EPB41L5: variants seen among roughly 807,000 people sequenced by gnomAD.
EPB41L5 encodes the protein erythrocyte membrane protein band 4.1 like 5.
Under a neutral mutation model 106.6 loss-of-function variants are expected in EPB41L5, and 55 were observed. That is an observed-to-expected ratio of 0.52 (90% CI 0.42 to 0.65). The LOEUF (loss-of-function observed/expected upper bound fraction) is 0.65. Among genes scored for constraint, EPB41L5 ranks in the 30% least tolerant of loss-of-function variants. The pLI is 0.00. For synonymous variants in EPB41L5, 297 were observed against 306.7 expected, an observed-to-expected ratio of 0.97 and a Z score of 0.33; for missense variants, 871 against 882.1, an observed-to-expected ratio of 0.99 and a Z score of 0.16.
rs534731771 is a variant in EPB41L5, at chr2:120,065,128, T to TA, written c.286-8049dup. 1.5e-3 allele frequency among the ~76,000 whole-genome samples: 234 copies of TA among 152,224 alleles called. 1 individual carries two copies. Among genetic ancestry groups the TA allele is most frequent in the Non-Finnish European group, 1.4e-3 (94 of 68,014 alleles). ...GTGATTTTATGTTTATTTATGTACT[T>TA]ACATTTTAGAGATGGGGTCTTGTTC... On this transcript the variant is annotated intron_variant, in intron 3 of 24. Transcript: ENST00000263713.
At chr2:120,019,300 C>A in intron 2 of EPB41L5, 36 bp downstream of exon 2, 2 of 1,565,022 alleles carry the variant, frequency 1.3e-6, no homozygotes, top group Non-Finnish European at 8.7e-7. Flanking sequence ...ATTCTGTTTG[C>A]GATTACTGTC....
rs534331557 is a variant in EPB41L5 at position 120,017,577 on chromosome 2, G to C, written c.-8-1500G>C. On this transcript the variant is annotated intron_variant, in intron 1 of 24. Transcript: ENST00000263713. ...TTTAGTGTGCTATGTTTTAAAACCT[G>C]TTTTAACTGTTTTGATTAACATTAA... Among the ~76,000 whole-genome samples, 113 of 152,180 alleles carry C rather than the reference G, an allele frequency of 7.4e-4. 1 individual carries two copies. Among genetic ancestry groups the C allele is most frequent in the African/African-American group, 2.5e-3 (104 of 41,514 alleles).
Position 120,146,270 on chromosome 2 carries a change from C to T in EPB41L5, c.1774C>T (p.Gln592Ter). 6.2e-7 allele frequency: 1 copy of T among 1,609,474 alleles called. No individual in the cohort carries two copies. The highest frequency in any genetic ancestry group is 8.5e-7 in the Non-Finnish European group (1 of 1,176,150). ...SLLSHKNANV[Q>*]DAATNSAVLN... is the part of the protein sequence containing the mutation. ...ATTAAGTCATAAAAATGCCAATGTT[C>T]AGGATGCTGCCACAAACAGGTACAG... The change falls in exon 20 of 25, where the codon CAG becomes TAG. Residue 592 changes from glutamine to a stop codon, truncating the protein, a stop_gained. Coordinates refer to ENST00000263713, the MANE Select transcript of EPB41L5 (RefSeq NM_020909.4). LOFTEE classifies it high-confidence loss of function.
chr2:120,173,514 C>T (rs1300175810), intron 24 of EPB41L5, among the ~76,000 whole-genome samples: 1 of 152,092 alleles, frequency 6.6e-6, no homozygotes, highest in Non-Finnish European at 1.5e-5. Flanking sequence ...GAACCAGGGA[C>T]ACAGAAAAGT....
chr2:120,106,275 A>G, intron 16 of EPB41L5: 1 of 985,396 alleles, frequency 1.0e-6, no homozygotes, highest in Non-Finnish European at 1.2e-6. Flanking sequence ...GTAAAGGGCT[A>G]AGGCTGGATG....
chr2:120,026,450 T>A (rs552066165), intron 2 of EPB41L5, among the ~76,000 whole-genome samples: 10 of 152,272 alleles, frequency 6.6e-5, no homozygotes, highest in Non-Finnish European at 1.3e-4. Context: ...CTTACTGCGA[T>A]CTCTGCCTCC....
intron 16 of EPB41L5, chr2:120,107,065 G>T (rs1268866427): frequency 8.2e-6 from 3 of 364,558 alleles, no homozygotes. Flanking sequence ...CACTTGGTTG[G>T]ATCTTTTTTT....
At chr2:120,074,268 A>T in intron 5 of EPB41L5, 90 bp downstream of exon 5, 1 of 951,306 alleles carries the variant, frequency 1.1e-6, no homozygotes. Flanking sequence ...GCCAGCTAAT[A>T]AAATGGATTC....
chr2:120,049,524 T>G (rs1362159099), intron 3 of EPB41L5, among the ~76,000 whole-genome samples: 2 of 152,120 alleles, frequency 1.3e-5, no homozygotes, highest in Non-Finnish European at 2.9e-5. Context: ...TGGTAGATCT[T>G]CCTCCATCCC....
intron 3 of EPB41L5, among the ~76,000 whole-genome samples, chr2:120,061,501 G>A (rs1380262882): frequency 6.6e-6 from 1 of 151,936 alleles, no homozygotes; most frequent in Non-Finnish European, 1.5e-5. Context: ...GGGATTACAG[G>A]CGTGAGCCAC....
chr2:120,081,948 C>T (rs535606299), intron 10 of EPB41L5, among the ~76,000 whole-genome samples: 244 of 152,196 alleles, frequency 1.6e-3, no homozygotes, highest in Non-Finnish European at 2.9e-3. Context: ...GTGATTTTTG[C>T]ACATTGATTT....
chr2:120,088,437 G>A (rs1467443081), intron 11 of EPB41L5, among the ~76,000 whole-genome samples: 1 of 152,148 alleles, frequency 6.6e-6, no homozygotes, highest in Non-Finnish European at 1.5e-5. Flanking sequence ...CTACTTGAGT[G>A]GGGAGGGTGG....
intron 2 of EPB41L5, among the ~76,000 whole-genome samples, chr2:120,022,571 C>T (rs570968937): frequency 3.9e-5 from 6 of 152,256 alleles, no homozygotes; most frequent in African/African-American, 1.4e-4. Flanking sequence ...TTTTCTTTAT[C>T]CAGTCTATCA....
chr2:120,164,976 T>G, intron 22 of EPB41L5, 66 bp downstream of exon 22: 1 of 1,181,212 alleles, frequency 8.5e-7, no homozygotes. Context: ...CCTGCTAGAT[T>G]CCAGTTTTTT....
chr2:120,084,102 T>G (rs977873820), intron 10 of EPB41L5, among the ~76,000 whole-genome samples: 4 of 152,186 alleles, frequency 2.6e-5, no homozygotes, highest in African/African-American at 9.7e-5. Context: ...CCATTTACAT[T>G]TAAGGTTAAT....
chr2:120,122,201 T>C (rs914862639), intron 16 of EPB41L5, among the ~76,000 whole-genome samples: 5 of 152,234 alleles, frequency 3.3e-5, no homozygotes, highest in Admixed American at 6.5e-5. Context: ...TTGTCAGTTT[T>C]GGCTTTTGTT....
At chr2:120,140,399 T>A (rs995098298) in intron 18 of EPB41L5, among the ~76,000 whole-genome samples, 1 of 152,004 alleles carries the variant, frequency 6.6e-6, no homozygotes, top group African/African-American at 2.4e-5. Flanking sequence ...TATCTACATA[T>A]CTCGTGTACC....
chr2:120,028,858 G>C (rs1338970311), intron 2 of EPB41L5, among the ~76,000 whole-genome samples: 2 of 152,180 alleles, frequency 1.3e-5, no homozygotes, highest in Non-Finnish European at 2.9e-5. Flanking sequence ...CATGAAGAGA[G>C]AAAAAGGATG....
At chr2:120,086,425 T>A (rs1032453338) in intron 10 of EPB41L5, among the ~76,000 whole-genome samples, 2 of 152,092 alleles carry the variant, frequency 1.3e-5, no homozygotes, top group Non-Finnish European at 2.9e-5. Context: ...AAAGCGAGGT[T>A]AAAAAAATTA....
Sources: allele counts gnomAD v4.1 joint callset (sites outside exome capture counted in the v4.1 genomes callset), GRCh38; gene constraint gnomAD v4.1.1; transcripts MANE v1.5; gene names NCBI Gene and HGNC (gene_info 2026-07-23, HGNC 2026-07-21).